Variants in PLXNA2 observed in about 807,000 individuals in gnomAD.
PLXNA2 encodes plexin A2.
PLXNA2 carries 91 observed loss-of-function variants against 193.5 expected under a neutral mutation model. The ratio of observed to expected loss-of-function variants is 0.47; its 90% CI spans 0.40 to 0.56. The LOEUF (loss-of-function observed/expected upper bound fraction) is 0.56. Ranked by LOEUF, PLXNA2 falls within the 20% of genes least tolerant of loss-of-function variation. The probability of loss-of-function intolerance (pLI) is 0.00; values close to 1 mark genes in which losing one functional copy is unlikely to be tolerated. For synonymous variants in PLXNA2, 997 were observed against 1,027.3 expected (o/e 0.97, Z 0.56); for missense variants, 1,995 against 2,503.2 (o/e 0.80, Z 4.33).
chr1:208,053,674 T>A (rs1665337070), intron 14 of PLXNA2, among the ~76,000 whole-genome samples: 1 of 152,242 alleles, frequency 6.6e-6, no homozygotes. Context: ...TGTAGCAATG[T>A]AGGTGTCAGA....
intron 1 of PLXNA2, among the ~76,000 whole-genome samples, chr1:208,240,986 C>T (rs1365027872): frequency 6.6e-6 from 1 of 152,104 alleles, no homozygotes; most frequent in South Asian, 2.1e-4. Flanking sequence ...AGGATAGAAA[C>T]TATAAAACCC....
At chr1:208,103,385 T>A in intron 4 of PLXNA2, 138 bp from the exon 5 acceptor site, 1 of 625,628 alleles carries the variant, frequency 1.6e-6, no homozygotes, top group Non-Finnish European at 2.7e-6. Context: ...AGTCATGGCC[T>A]CAATGTCCCC....
intron 3 of PLXNA2, among the ~76,000 whole-genome samples, chr1:208,193,755 C>T (rs1439895213): frequency 1.3e-5 from 2 of 152,170 alleles, no homozygotes; most frequent in East Asian, 1.9e-4. Context: ...GGGCTGGTCA[C>T]AGTCGCTCAC....
At chr1:208,090,578 G>A (rs550896015) in intron 9 of PLXNA2, among the ~76,000 whole-genome samples, 34 of 152,272 alleles carry the variant, frequency 2.2e-4, no homozygotes, top group African/African-American at 8.2e-4. Flanking sequence ...CACCCCAGCA[G>A]AGTTTATTTA....
At chr1:208,033,727 T>C (rs1454086259) in intron 27 of PLXNA2, among the ~76,000 whole-genome samples, 2 of 152,244 alleles carry the variant, frequency 1.3e-5, no homozygotes, top group African/African-American at 2.4e-5. Context: ...AAAGGATTTA[T>C]AAATTTTGTG....
At position 208,201,801 on chromosome 1, in the gene PLXNA2, A is replaced by C. The variant is rs147338215; in HGVS notation, c.1371+8479T>G. On this transcript the variant is annotated intron_variant, in intron 3 of 31. Transcript: ENST00000367033. ...TAAGTCACAATTGTAGTAATATTTA[A>C]ATGCACATATGCCCATGTGCCCAAG... 1.9e-3 allele frequency among the ~76,000 whole-genome samples: 294 copies of C among 152,240 alleles called. 1 individual carries two copies. The highest frequency in any genetic ancestry group is 2.5e-3 in the Non-Finnish European group (169 of 68,006).
rs762867472 is a variant in PLXNA2 at position 208,217,770 on chromosome 1, G to T, written c.153C>A (p.Asn51Lys). ...FHSENRDWTF[N>K]HLTVHQGTGA... ...CCGTCCCTTGGTGGACGGTCAAGTG[G>T]TTGAAGGTCCAGTCACGATTCTCAG... The change falls in exon 2 of 32, where the codon AAC becomes AAA. Residue 51 changes from asparagine (N) to lysine (K), a missense_variant. Coordinates refer to ENST00000367033, the MANE Select transcript of PLXNA2 (RefSeq NM_025179.4). This position sits in a 1 kb window ranked among gnomAD's most constrained non-coding sequence, Gnocchi z 4.7. The T allele has an allele frequency of 6.2e-7, 1 of 1,613,906 alleles. No homozygotes were observed. The highest frequency in any genetic ancestry group is 8.5e-7 in the Non-Finnish European group (1 of 1,179,874).
In PLXNA2 at chr1:208,045,960, A is replaced by G. The variant is rs1275950605; in HGVS notation, c.3413T>C (p.Ile1138Thr). Reference protein sequence around the residue: ...SLLIYNDTKFIYYPNPTFELL... With the variant: ...SLLIYNDTKFTYYPNPTFELL... ...TTCAAAGGTCGGGTTGGGGTAGTAG[A>G]TAAACTTGGTGTCGTTGTAAATTAG... The change falls in exon 18 of 32, where the codon ATC becomes ACC. Residue 1138 changes from isoleucine (I) to threonine (T), a missense_variant. Around this residue, in one of 3 missense-constraint regions of PLXNA2, gnomAD observed 1,291 missense variants for 1,673.6 expected, o/e 0.77. Coordinates refer to ENST00000367033, the MANE Select transcript of PLXNA2 (RefSeq NM_025179.4). 1 of 1,614,140 alleles carries G rather than the reference A, an allele frequency of 6.2e-7. No homozygotes were observed. The highest frequency in any genetic ancestry group is 8.5e-7 in the Non-Finnish European group (1 of 1,180,050).
Position 208,038,298 on chromosome 1 carries a change from G to C in PLXNA2, c.4764+73C>G. 9.9e-7 allele frequency: 1 copy of C among 1,010,736 alleles called. No individual in the cohort carries two copies. Among genetic ancestry groups the C allele is most frequent in the Non-Finnish European group, 1.6e-6 (1 of 633,562 alleles). 62.6% of individuals were successfully genotyped at this position (1,010,736 alleles called of 1,614,324 possible). ...AGGAAAATCCTTTTTAGACTTTTGAGGCCTTAGAGCAAGGCTTAGCGGGAA... is the reference window on the plus strand; with the variant it reads ...AGGAAAATCCTTTTTAGACTTTTGACGCCTTAGAGCAAGGCTTAGCGGGAA... On this transcript the variant is annotated intron_variant, in intron 26 of 31. Coordinates refer to ENST00000367033, the MANE Select transcript of PLXNA2 (RefSeq NM_025179.4). This position sits in a 1 kb window ranked among gnomAD's most constrained non-coding sequence, Gnocchi z 4.1.
At chr1:208,039,469 C>T (rs1042112207) in intron 24 of PLXNA2, 152 bp downstream of exon 24, 31 of 1,052,760 alleles carry the variant, frequency 2.9e-5, no homozygotes, top group Non-Finnish European at 3.9e-5. Context: ...TGCCACCTTG[C>T]TCTTGGTACA....
chr1:208,044,724 C>T lies in PLXNA2; in HGVS notation c.3658G>A (p.Val1220Met), dbSNP rs1381868342. 1.2e-6 allele frequency: 2 copies of T among 1,613,700 alleles called. No homozygotes were observed. The highest frequency in any genetic ancestry group is 1.7e-6 in the Non-Finnish European group (2 of 1,179,824). ...ACACTCACCGAGCCAGGCGAGAACA[C>T]CATCCCGCCCACGTGAACCTGTGCA... is the stretch of plus-strand genomic sequence containing the variant. ...HKVMVHVGGM[V>M]FSPGSVSVIS... The change falls in exon 20 of 32, where the codon GTG becomes ATG. Residue 1220 changes from valine to methionine, a missense_variant. By Grantham distance (21) the Val-to-Met change is conservative. Coordinates refer to ENST00000367033, the MANE Select transcript of PLXNA2 (RefSeq NM_025179.4). The surrounding 1 kb of genome is among the most constrained non-coding windows in gnomAD (Gnocchi z 4.9).
In PLXNA2 at chr1:208,206,226, C is replaced by T. The variant is rs199930236; in HGVS notation, c.1371+4054G>A. Among the ~76,000 whole-genome samples, 22 of 152,346 alleles carry T rather than the reference C, an allele frequency of 1.4e-4. No individual in the cohort carries two copies. In the East Asian group the frequency reaches 4.2e-3, roughly 29 times the overall value. On this transcript the variant is annotated intron_variant, in intron 3 of 31. Coordinates refer to ENST00000367033, the MANE Select transcript of PLXNA2 (RefSeq NM_025179.4). ...ATCGATCCAGCTCTTGTTTATCTGG[C>T]ACTTGAGTTTGCTTAACACCCTCTT...
chr1:208,203,436 G>A (rs1313499675), intron 3 of PLXNA2, among the ~76,000 whole-genome samples: 2 of 152,198 alleles, frequency 1.3e-5, no homozygotes, highest in Non-Finnish European at 2.9e-5. Context: ...GAGCCACTAA[G>A]TCTCTTAGAT....
chr1:208,217,329 C>G lies in PLXNA2; in HGVS notation c.594G>C (p.Leu198=). The G allele has an allele frequency of 1.2e-6, 2 of 1,614,146 alleles. No individual in the cohort carries two copies. Among genetic ancestry groups the G allele is most frequent in the Non-Finnish European group, 1.7e-6 (2 of 1,180,010 alleles). ...VDGKQDYFPT[L]SSRKLPRDPE... ...GGTCTCGGGGCAGCTTCCGGCTGGA[C>G]AGGGTCGGGAAGTAATCCTGCTTCC... is the stretch of plus-strand genomic sequence containing the variant. Residue 198 remains leucine, a synonymous_variant, in exon 2 of 32, where the codon CTG becomes CTC. Transcript: ENST00000367033. The surrounding 1 kb of genome is among the most constrained non-coding windows in gnomAD (Gnocchi z 4.7).
intron 3 of PLXNA2, among the ~76,000 whole-genome samples, chr1:208,149,396 G>C (rs867648501): frequency 1.8e-4 from 27 of 152,030 alleles, no homozygotes; most frequent in Middle Eastern, 6.8e-3. Context: ...GTATGAGTCT[G>C]TTGTGTGTAT....
chr1:208,154,260 G>T (rs1450697647), intron 3 of PLXNA2, among the ~76,000 whole-genome samples: 5 of 152,218 alleles, frequency 3.3e-5, no homozygotes, highest in African/African-American at 1.2e-4. Context: ...CAGGTGCCCG[G>T]ATCTCACCGC....
chr1:208,160,762 C>T (rs189213868), intron 3 of PLXNA2, among the ~76,000 whole-genome samples: 147 of 152,362 alleles, frequency 9.6e-4, no homozygotes, highest in Admixed American at 1.4e-3. Context: ...GCCACAGAAA[C>T]CAGTGCTGTT....
intron 14 of PLXNA2, among the ~76,000 whole-genome samples, chr1:208,052,815 C>T (rs1558166778): frequency 6.6e-6 from 1 of 152,142 alleles, no homozygotes; most frequent in Non-Finnish European, 1.5e-5. Context: ...AGAGCCTTTA[C>T]TGATTTTTTG....
intron 3 of PLXNA2, among the ~76,000 whole-genome samples, chr1:208,199,050 G>A (rs1164738340): frequency 2.0e-5 from 3 of 152,184 alleles, no homozygotes; most frequent in Non-Finnish European, 4.4e-5. Context: ...GGATCTTTTA[G>A]GCCTATCCCC....
Sources: gnomAD v4.1 joint callset for allele counts (sites outside exome capture counted in the v4.1 genomes callset) on GRCh38, gnomAD v4.1.1 for gene constraint, gnomAD v4.1.1 regional missense constraint, Gnocchi (gnomAD v3.1) non-coding constraint, MANE v1.5 for transcripts, NCBI Gene and HGNC (gene_info 2026-07-23, HGNC 2026-07-21) for gene names.